DBNL: variants seen among roughly 807,000 people sequenced by gnomAD.
DBNL encodes the protein drebrin like.
DBNL carries 35 observed loss-of-function variants against 62.2 expected under a neutral mutation model. The ratio of observed to expected loss-of-function variants is 0.56; its 90% CI spans 0.43 to 0.75. The LOEUF (loss-of-function observed/expected upper bound fraction) is 0.75. DBNL is among the 30% of genes least tolerant of loss of function. DBNL has a pLI of 0.00. For synonymous variants in DBNL, 197 were observed against 218.0 expected (o/e 0.90, Z 0.85); for missense variants, 495 against 578.4 (o/e 0.86, Z 1.48).
chr7:44,059,082 G>A lies in DBNL; in HGVS notation c.835+99G>A, dbSNP rs2096142890. Reference sequence around the variant, plus strand: ...CCCCAAGGCTAGTGACAGATATATCGGTGACGGGTGAGTGAGTGAGGAGAA... The same window carrying A: ...CCCCAAGGCTAGTGACAGATATATCAGTGACGGGTGAGTGAGTGAGGAGAA... On this transcript the variant is annotated intron_variant, in intron 9 of 12. Coordinates refer to ENST00000448521, the MANE Select transcript of DBNL (RefSeq NM_001014436.3). This position sits in a 1 kb window ranked among gnomAD's most constrained non-coding sequence, Gnocchi z 4.1. 9.2e-6 allele frequency: 12 copies of A among 1,299,558 alleles called. No individual in the cohort carries two copies. Among genetic ancestry groups the A allele is most frequent in the East Asian group, 4.8e-5 (2 of 41,702 alleles). The allele number at this position is 1,299,558 out of a possible 1,614,324, so 80.5% of individuals were successfully genotyped here. A position where few individuals can be genotyped will look rare whatever the true frequency, so the allele number is the denominator to read the frequency against.
chr7:44,045,410 G>C (rs926289452), intron 1 of DBNL, among the ~76,000 whole-genome samples: 1 of 152,218 alleles, frequency 6.6e-6, no homozygotes, highest in African/African-American at 2.4e-5. Context: ...ACTCTTTCTT[G>C]TGCCTGAGCC....
At chr7:44,049,966 A>G (rs772526733) in intron 1 of DBNL, 8 of 446,820 alleles carry the variant, frequency 1.8e-5, no homozygotes, top group Non-Finnish European at 2.9e-5. Flanking sequence ...TCCCATCTCC[A>G]TGGCTTTGTC....
At chr7:44,048,697 C>T (rs1585977428) in intron 1 of DBNL, among the ~76,000 whole-genome samples, 2 of 152,334 alleles carry the variant, frequency 1.3e-5, no homozygotes, top group East Asian at 3.9e-4. Context: ...GCTTTAGAGC[C>T]TGGGGAGATG....
chr7:44,065,557 T>TGGAC lies in DBNL; in HGVS notation c.*4644_*4647dup, dbSNP rs1304494344. The TGGAC allele has an allele frequency of 6.2e-7, 1 of 1,610,096 alleles. No homozygotes were observed. Among genetic ancestry groups the TGGAC allele is most frequent in the Non-Finnish European group, 8.5e-7 (1 of 1,177,290 alleles). On this transcript the variant is annotated 3_prime_UTR_variant, in exon 13 of 13. Transcript: ENST00000448521. ...TGGCAGCAGGGACCACAGAGGACTC[T>TGGAC]GGACGGGGACGGCTGCTTCCCAACA...
In DBNL at chr7:44,050,287, A is replaced by G. The variant is rs999663635; in HGVS notation, c.139+7A>G. On this transcript the variant is annotated splice_region_variant and intron_variant, in intron 2 of 12. Transcript: ENST00000448521. ...CGCGTGGCTGGCACAGGGGGTGAGT[A>G]TGACTCCAAATGGACTCAGGGACAC... The G allele has an allele frequency of 1.1e-5, 17 of 1,613,420 alleles. No homozygotes were observed. Among genetic ancestry groups the G allele is most frequent in the Non-Finnish European group, 1.4e-5 (16 of 1,179,586 alleles).
chr7:44,045,283 C>A (rs1305331359), intron 1 of DBNL, among the ~76,000 whole-genome samples: 2 of 152,252 alleles, frequency 1.3e-5, no homozygotes, highest in African/African-American at 2.4e-5. Flanking sequence ...AGCGGCCTGG[C>A]AGCCGGGCTG....
At position 44,060,090 on chromosome 7, in the gene DBNL, A is replaced by G. The variant is rs772975926; in HGVS notation, c.1090A>G (p.Ile364Val). Residue 364 changes from isoleucine (I) to valine (V), a missense_variant, in exon 12 of 13, where the codon ATT becomes GTT. By Grantham distance (29) the Ile-to-Val change is conservative. Coordinates refer to ENST00000448521, the MANE Select transcript of DBNL (RefSeq NM_001014436.3). This position sits in a 1 kb window ranked among gnomAD's most constrained non-coding sequence, Gnocchi z 6.3. ...GAGSEHIDHH[I>V]QGQGLSGQGL... Reference sequence around the variant, plus strand: ...TGGCTCTGAGCACATTGACCACCACATTCAGGGCCAGGGGCTCAGTGGGCA... The same window carrying G: ...TGGCTCTGAGCACATTGACCACCACGTTCAGGGCCAGGGGCTCAGTGGGCA... 4.3e-6 allele frequency: 7 copies of G among 1,613,696 alleles called. No individual in the cohort carries two copies. The East Asian group carries it at 1.1e-4, about 26-fold the overall frequency.
Position 44,062,577 on chromosome 7 carries a change from T to A in DBNL, c.*1661T>A. 1.6e-6 allele frequency: 1 copy of A among 632,294 alleles called. No homozygotes were observed. Among genetic ancestry groups the A allele is most frequent in the Non-Finnish European group, 2.8e-6 (1 of 355,074 alleles). 39.2% of individuals were successfully genotyped at this position (632,294 alleles called of 1,614,324 possible). On this transcript the variant is annotated 3_prime_UTR_variant, in exon 13 of 13. Transcript: ENST00000448521. Reference sequence around the variant, plus strand: ...GAGTGGTTGCAGCCCTGGCTCAGTGTCCTGATGACTAGGTGTGGGTACTAG... The same window carrying A: ...GAGTGGTTGCAGCCCTGGCTCAGTGACCTGATGACTAGGTGTGGGTACTAG...
Position 44,061,168 on chromosome 7 carries a change from C to T in DBNL, c.*252C>T, listed in dbSNP as rs2096148316. 3.9e-6 allele frequency: 2 copies of T among 516,072 alleles called. No individual in the cohort carries two copies. Among genetic ancestry groups the T allele is most frequent in the Non-Finnish European group, 3.4e-6 (1 of 294,244 alleles). 32.0% of individuals were successfully genotyped at this position (516,072 alleles called of 1,614,324 possible). ...CTTGGCTCTTGCCCCTGACAGGATACTGAGCCAAGCCCTGCCTGTGGCCAA... is the reference window on the plus strand; with the variant it reads ...CTTGGCTCTTGCCCCTGACAGGATATTGAGCCAAGCCCTGCCTGTGGCCAA... On this transcript the variant is annotated 3_prime_UTR_variant, in exon 13 of 13. Coordinates refer to ENST00000448521, the MANE Select transcript of DBNL (RefSeq NM_001014436.3).
Position 44,064,793 on chromosome 7 carries a change from G to GGGCCCCCCCCCCCCCCCCCCCCC in DBNL, c.*3877_*3878insGGCCCCCCCCCCCCCCCCCCCCC. ...AGATGAGAAGCCAGCTGGGGCTGCTGCCCACCCACCCTGCCCAGGCTCCTG... is the reference window on the plus strand; with the variant it reads ...AGATGAGAAGCCAGCTGGGGCTGCTGGGCCCCCCCCCCCCCCCCCCCCCCCCACCCACCCTGCCCAGGCTCCTG... On this transcript the variant is annotated 3_prime_UTR_variant, in exon 13 of 13. Coordinates refer to ENST00000448521, the MANE Select transcript of DBNL (RefSeq NM_001014436.3). 8.8e-7 allele frequency: 1 copy of GGGCCCCCCCCCCCCCCCCCCCCC among 1,136,970 alleles called. No individual in the cohort carries two copies. The highest frequency in any genetic ancestry group is 2.5e-5 in the East Asian group (1 of 40,040). The allele number at this position is 1,136,970 out of a possible 1,614,324, so 70.4% of individuals were successfully genotyped here.
At chr7:44,052,651 A>G (rs1183666370) in intron 3 of DBNL, among the ~76,000 whole-genome samples, 1 of 151,542 alleles carries the variant, frequency 6.6e-6, no homozygotes, top group African/African-American at 2.4e-5. Flanking sequence ...ATGCCCCCAC[A>G]GCGAAAGCCG....
Position 44,060,106 on chromosome 7 carries a change from TCAGTG to T in DBNL, c.1107_1111del (p.Ser370AlafsTer22). 1 of 1,613,636 alleles carries T rather than the reference TCAGTG, an allele frequency of 6.2e-7. No individual in the cohort carries two copies. The highest frequency in any genetic ancestry group is 8.5e-7 in the Non-Finnish European group (1 of 1,179,898). On this transcript the variant is annotated frameshift_variant, in exon 12 of 13. Transcript: ENST00000448521. LOFTEE classifies it high-confidence loss of function. This position sits in a 1 kb window ranked among gnomAD's most constrained non-coding sequence, Gnocchi z 6.3. ...GACCACCACATTCAGGGCCAGGGGC[TCAGTG>T]GGCAAGGGCTCTGTGCCCGTGCCCT...
chr7:44,062,575 T>A lies in DBNL; in HGVS notation c.*1659T>A, dbSNP rs1042880931. ...TGGAGTGGTTGCAGCCCTGGCTCAG[T>A]GTCCTGATGACTAGGTGTGGGTACT... On this transcript the variant is annotated 3_prime_UTR_variant, in exon 13 of 13. Coordinates refer to ENST00000448521, the MANE Select transcript of DBNL (RefSeq NM_001014436.3). 3.2e-6 allele frequency: 2 copies of A among 625,886 alleles called. No homozygotes were observed. Among genetic ancestry groups the A allele is most frequent in the African/African-American group, 3.6e-5 (2 of 54,898 alleles). The allele number at this position is 625,886 out of a possible 1,614,324, so 38.8% of individuals were successfully genotyped here. A position where few individuals can be genotyped will look rare whatever the true frequency, so the allele number is the denominator to read the frequency against.
intron 4 of DBNL, among the ~76,000 whole-genome samples, chr7:44,055,754 GATT>G (rs1269625351): frequency 6.6e-6 from 1 of 152,102 alleles, no homozygotes; most frequent in Non-Finnish European, 1.5e-5. Context: ...TTTAAAATCA[GATT>G]ATTATTTTTT....
chr7:44,057,095 G>C (rs969349237), intron 5 of DBNL, among the ~76,000 whole-genome samples, 192 bp downstream of exon 5: 1 of 152,356 alleles, frequency 6.6e-6, no homozygotes, highest in East Asian at 1.9e-4. Flanking sequence ...CTTGCCTAGG[G>C]GTTGGACTAG....
intron 1 of DBNL, chr7:44,049,881 A>G: frequency 4.5e-6 from 1 of 223,278 alleles, no homozygotes. Flanking sequence ...TGGCCAGGTG[A>G]GTATTTGACA....
At position 44,065,190 on chromosome 7, in the gene DBNL, T is replaced by C; in HGVS notation, c.*4274T>C. ...GGGATGTCGAAGGAGCGCCTCCAGATCTTCACCTGCTCCTCCCCGTGCTTG... is the reference window on the plus strand; with the variant it reads ...GGGATGTCGAAGGAGCGCCTCCAGACCTTCACCTGCTCCTCCCCGTGCTTG... On this transcript the variant is annotated 3_prime_UTR_variant, in exon 13 of 13. Transcript: ENST00000448521. The C allele has an allele frequency of 6.2e-7, 1 of 1,614,080 alleles. No individual in the cohort carries two copies. Among genetic ancestry groups the C allele is most frequent in the South Asian group, 1.1e-5 (1 of 91,080 alleles).
In DBNL at chr7:44,066,867, T is replaced by C. The variant is rs566559072; in HGVS notation, c.*5951T>C. 2.0e-5 allele frequency: 3 copies of C among 152,416 alleles called. No homozygotes were observed. The highest frequency in any genetic ancestry group is 2.1e-4 in the South Asian group (1 of 4,834). 9.4% of individuals were successfully genotyped at this position (152,416 alleles called of 1,614,324 possible). Reference sequence around the variant, plus strand: ...TCTCACTGTTCCACACTGATCCTGATTGAAGCCACATCTCCTCATCTGCTT... The same window carrying C: ...TCTCACTGTTCCACACTGATCCTGACTGAAGCCACATCTCCTCATCTGCTT... On this transcript the variant is annotated 3_prime_UTR_variant, in exon 13 of 13. Transcript: ENST00000448521.
Position 44,051,883 on chromosome 7 carries a change from G to A in DBNL, c.193G>A (p.Ala65Thr), listed in dbSNP as rs992917665. ...EELNSGKVMY[A>T]FCRVKDPNSG... Reference sequence around the variant, plus strand: ...GCTCAACAGCGGGAAGGTGATGTACGCCTTCTGCAGAGTGAAGGACCCCAA... The same window carrying A: ...GCTCAACAGCGGGAAGGTGATGTACACCTTCTGCAGAGTGAAGGACCCCAA... Residue 65 changes from alanine (A) to threonine (T), a missense_variant, in exon 3 of 13, where the codon GCC becomes ACC. Coordinates refer to ENST00000448521, the MANE Select transcript of DBNL (RefSeq NM_001014436.3). The A allele has an allele frequency of 3.1e-6, 5 of 1,614,030 alleles. No individual in the cohort carries two copies. In the Admixed American group the frequency reaches 6.7e-5, roughly 22 times the overall value.
Sources: allele counts gnomAD v4.1 joint callset (sites outside exome capture counted in the v4.1 genomes callset), GRCh38; gene constraint gnomAD v4.1.1; non-coding constraint Gnocchi (gnomAD v3.1); transcripts MANE v1.5; gene names NCBI Gene and HGNC (gene_info 2026-07-23, HGNC 2026-07-21).